AGMO: variants seen among roughly 807,000 people sequenced by gnomAD.
AGMO encodes the protein glyceryl-ether monooxygenase.
A neutral mutation model predicts 60.2 loss-of-function variants in AGMO; 75 were observed. That is an observed-to-expected ratio of 1.25 (90% CI 1.03 to 1.51). AGMO has a LOEUF of 1.51. Among genes scored for constraint, AGMO ranks in the 40% most tolerant of loss-of-function variants. The pLI is 0.00. For synonymous variants in AGMO, 261 were observed against 177.1 expected (o/e 1.47, Z -3.76); for missense variants, 763 against 525.5 (o/e 1.45, Z -4.42).
the AGMO span, among the ~76,000 whole-genome samples, chr7:15,154,877 A>G: frequency 6.6e-6 from 1 of 152,192 alleles, no homozygotes; most frequent in East Asian, 1.9e-4. Flanking sequence ...GCCAGATATG[A>G]AATTCTTGGT....
intron 6 of AGMO, among the ~76,000 whole-genome samples, chr7:15,391,976 C>G (rs944388512): frequency 1.4e-4 from 22 of 152,106 alleles, no homozygotes; most frequent in African/African-American, 5.1e-4. Flanking sequence ...TATAAGCAGG[C>G]GTGGGCATGC....
At chr7:15,359,556 G>C (rs909221997) in intron 12 of AGMO, among the ~76,000 whole-genome samples, 11 of 152,064 alleles carry the variant, frequency 7.2e-5, no homozygotes, top group African/African-American at 2.4e-4. Context: ...TTTTTTGCAA[G>C]CAGTTCTTAA....
intron 12 of AGMO, among the ~76,000 whole-genome samples, chr7:15,314,334 G>C (rs1213802141): frequency 2.0e-5 from 3 of 152,140 alleles, no homozygotes; most frequent in Admixed American, 6.5e-5. Flanking sequence ...CTGCAGATAA[G>C]ATGGGACTAC....
At chr7:15,337,633 C>A (rs1300180383) in intron 12 of AGMO, among the ~76,000 whole-genome samples, 1 of 152,164 alleles carries the variant, frequency 6.6e-6, no homozygotes, top group African/African-American at 2.4e-5. Context: ...AGAGGGCCAA[C>A]TGCAACCCAC....
chr7:15,191,567 G>A, the AGMO span, among the ~76,000 whole-genome samples: 1 of 152,124 alleles, frequency 6.6e-6, no homozygotes, highest in South Asian at 2.1e-4. Flanking sequence ...TATTTTTTAT[G>A]TATTATAATT....
chr7:15,224,578 C>G (rs568134639), intron 12 of AGMO, among the ~76,000 whole-genome samples: 2 of 151,954 alleles, frequency 1.3e-5, no homozygotes, highest in East Asian at 3.9e-4. Context: ...GTTGTTTAAG[C>G]CATCTCATCT....
At chr7:15,490,635 A>G (rs1177234940) in intron 3 of AGMO, among the ~76,000 whole-genome samples, 1 of 152,208 alleles carries the variant, frequency 6.6e-6, no homozygotes, top group African/African-American at 2.4e-5. Context: ...ATGAAAAAGC[A>G]ATATTGTGCA....
At chr7:15,381,632 A>G (rs1193390056) in intron 10 of AGMO, among the ~76,000 whole-genome samples, 1 of 152,168 alleles carries the variant, frequency 6.6e-6, no homozygotes, top group African/African-American at 2.4e-5. Context: ...TCAAAGACAA[A>G]GACAGGAATA....
intron 3 of AGMO, among the ~76,000 whole-genome samples, chr7:15,456,246 AAATAC>A (rs1208014915): frequency 6.6e-6 from 1 of 152,136 alleles, no homozygotes; most frequent in African/African-American, 2.4e-5. Context: ...CCAGTTTTAT[AAATAC>A]AATACTACTC....
intron 12 of AGMO, among the ~76,000 whole-genome samples, chr7:15,257,151 T>C (rs1165713289): frequency 1.3e-5 from 2 of 152,140 alleles, no homozygotes; most frequent in African/African-American, 2.4e-5. Flanking sequence ...GCAACATGGA[T>C]AATAATTCAC....
At chr7:15,126,834 T>C in the AGMO span, among the ~76,000 whole-genome samples, 5 of 152,112 alleles carry the variant, frequency 3.3e-5, no homozygotes, top group African/African-American at 1.2e-4. Context: ...CAAGGAATAA[T>C]CAACTAAGAG....
At chr7:15,135,576 G>A in the AGMO span, among the ~76,000 whole-genome samples, 3 of 152,048 alleles carry the variant, frequency 2.0e-5, no homozygotes, top group Non-Finnish European at 4.4e-5. Context: ...AAAATCTGTA[G>A]TTTTATAAAT....
chr7:15,205,442 C>G (rs1485107965), intron 12 of AGMO, among the ~76,000 whole-genome samples: 2 of 152,054 alleles, frequency 1.3e-5, no homozygotes, highest in Non-Finnish European at 2.9e-5. Context: ...GTATTTATGT[C>G]ACAAAGATTA....
chr7:15,201,494 G>A (rs935257181), intron 12 of AGMO, 135 bp from the exon 13 acceptor site: 1 of 613,992 alleles, frequency 1.6e-6, no homozygotes, highest in African/African-American at 1.9e-5. Flanking sequence ...ATTAAATCTA[G>A]CAATTGTTCA....
intron 10 of AGMO, among the ~76,000 whole-genome samples, chr7:15,374,961 G>C (rs1461055979): frequency 6.6e-6 from 1 of 152,056 alleles, no homozygotes; most frequent in African/African-American, 2.4e-5. Flanking sequence ...AAGGATCAGA[G>C]TTACAATGCC....
intron 12 of AGMO, among the ~76,000 whole-genome samples, chr7:15,268,806 A>G (rs1356436030): frequency 4.6e-5 from 7 of 152,006 alleles, no homozygotes; most frequent in Non-Finnish European, 1.0e-4. Flanking sequence ...TGGACTAGAC[A>G]ATGTAAAGAT....
rs113780361 is a variant in AGMO, at chr7:15,374,757, G to A, written c.1075-8535C>T. On this transcript the variant is annotated intron_variant, in intron 10 of 12. Coordinates refer to ENST00000342526, the MANE Select transcript of AGMO (RefSeq NM_001004320.2). ...TTACAATACAGAGGGACCCAGAGGA[G>A]CTTGGTGGATTCCCTGAATTGTGGA... Among the ~76,000 whole-genome samples the A allele has an allele frequency of 1.1e-4, 16 of 152,206 alleles. 3 individuals carry two copies. Among genetic ancestry groups the A allele is most frequent in the African/African-American group, 3.9e-4 (16 of 41,506 alleles).
intron 5 of AGMO, among the ~76,000 whole-genome samples, chr7:15,403,056 G>T (rs535549898): frequency 1.8e-4 from 27 of 151,754 alleles, no homozygotes; most frequent in African/African-American, 6.5e-4. Context: ...ACATAATTTT[G>T]TTTTCCTTTG....
At chr7:15,337,439 T>C (rs1360052267) in intron 12 of AGMO, among the ~76,000 whole-genome samples, 4 of 152,104 alleles carry the variant, frequency 2.6e-5, no homozygotes. Flanking sequence ...CTGGTAGCCT[T>C]GCACAACTCA....
Sources: gnomAD v4.1 joint callset for allele counts (sites outside exome capture counted in the v4.1 genomes callset) on GRCh38, gnomAD v4.1.1 for gene constraint, MANE v1.5 for transcripts, NCBI Gene and HGNC (gene_info 2026-07-23, HGNC 2026-07-21) for gene names.